TENM2: variants seen among roughly 807,000 people sequenced by gnomAD.
TENM2 encodes teneurin-2.
A neutral mutation model predicts 245.2 loss-of-function variants in TENM2; 52 were observed. The ratio of observed to expected loss-of-function variants is 0.21; its 90% CI spans 0.17 to 0.27. TENM2 has a LOEUF of 0.27. Among genes scored for constraint, TENM2 ranks in the 10% least tolerant of loss-of-function variants. TENM2 has a pLI of 1.00. For missense variants in TENM2, 3,046 were observed against 3,666.8 expected, an observed-to-expected ratio of 0.83 and a Z score of 4.37; for synonymous variants, 1,363 against 1,438.9, an observed-to-expected ratio of 0.95 and a Z score of 1.19.
chr5:167,621,272 A>G (rs1778155100), intron 2 of TENM2, among the ~76,000 whole-genome samples: 1 of 152,202 alleles, frequency 6.6e-6, no homozygotes, highest in African/African-American at 2.4e-5. Flanking sequence ...AACATAAAAC[A>G]AGATAATGTC....
intron 7 of TENM2, among the ~76,000 whole-genome samples, chr5:168,083,514 G>A (rs10042178): frequency 6.6e-5 from 10 of 152,256 alleles, no homozygotes; most frequent in South Asian, 2.1e-4. Flanking sequence ...GAAATCACCC[G>A]TCTTCTGCAA....
the TENM2 span, among the ~76,000 whole-genome samples, chr5:167,240,466 A>T: frequency 6.6e-6 from 1 of 152,102 alleles, no homozygotes; most frequent in African/African-American, 2.4e-5. Context: ...AGTTAAGTTA[A>T]AAAAAGGTTT....
At chr5:167,880,555 T>C (rs561938055) in intron 3 of TENM2, among the ~76,000 whole-genome samples, 2 of 152,282 alleles carry the variant, frequency 1.3e-5, no homozygotes, top group African/African-American at 4.8e-5. Flanking sequence ...AGCAAATCAG[T>C]CATTTCAGGG....
intron 1 of TENM2, chr5:167,287,247 T>C (rs560026180): frequency 2.2e-4 from 34 of 152,340 alleles, no homozygotes; most frequent in African/African-American, 7.9e-4. Flanking sequence ...AAGCAGTACA[T>C]TCAACTTGAA....
intron 1 of TENM2, among the ~76,000 whole-genome samples, chr5:167,285,358 A>G (rs1173368371): frequency 6.6e-6 from 1 of 152,142 alleles, no homozygotes; most frequent in African/African-American, 2.4e-5. Context: ...CAAATGGTGT[A>G]TCTTGGTTAA....
At position 167,612,433 on chromosome 5, in the gene TENM2, A is replaced by AT. The variant is rs1039174603; in HGVS notation, c.502+236967dup. Among the ~76,000 whole-genome samples the AT allele has an allele frequency of 6.1e-4, 93 of 152,076 alleles. 2 individuals are homozygous for AT. The highest frequency in any genetic ancestry group is 2.1e-3 in the African/African-American group (86 of 41,514). The stretch of plus-strand genomic sequence containing the variant: ...TCTTTACATCTAGGCATACTGCATG[A>AT]TTTTTTTAAAAAAAAGGCTCAGGAA... On this transcript the variant is annotated intron_variant, in intron 2 of 28. Coordinates refer to ENST00000518659, the Ensembl canonical transcript of TENM2.
intron 24 of TENM2, among the ~76,000 whole-genome samples, chr5:168,226,715 C>G (rs1432555328): frequency 6.6e-6 from 1 of 152,124 alleles, no homozygotes; most frequent in Non-Finnish European, 1.5e-5. Context: ...GAGTTGGTTG[C>G]CCTGGGACTG....
At chr5:167,502,431 C>T (rs893707821) in intron 2 of TENM2, among the ~76,000 whole-genome samples, 47 of 152,170 alleles carry the variant, frequency 3.1e-4, no homozygotes, top group Admixed American at 1.2e-3. Flanking sequence ...TTTTAGATTA[C>T]AGTTTTTCCA....
chr5:167,082,023 C>T, the TENM2 span, among the ~76,000 whole-genome samples: 5 of 152,118 alleles, frequency 3.3e-5, no homozygotes, highest in African/African-American at 1.2e-4. Context: ...TGCTCTTAAA[C>T]TCGACAGCTC....
the TENM2 span, among the ~76,000 whole-genome samples, chr5:167,058,691 C>G: frequency 6.6e-6 from 1 of 151,950 alleles, no homozygotes. Flanking sequence ...TTCAAGGCTT[C>G]GGTCAGCCAT....
chr5:167,899,410 T>C (rs1439204837), intron 3 of TENM2, among the ~76,000 whole-genome samples: 1 of 152,180 alleles, frequency 6.6e-6, no homozygotes, highest in African/African-American at 2.4e-5. Context: ...CATGATAGCA[T>C]AGTAATAATA....
intron 25 of TENM2, among the ~76,000 whole-genome samples, chr5:168,239,189 C>T (rs1484271967): frequency 1.3e-5 from 2 of 152,114 alleles, no homozygotes; most frequent in African/African-American, 2.4e-5. Flanking sequence ...GCCGGGGCAC[C>T]CCCCTTTATA....
chr5:168,218,309 C>T lies in TENM2; in HGVS notation c.4418C>T (p.Ala1473Val). 1 of 1,613,996 alleles carries T rather than the reference C, an allele frequency of 6.2e-7. No individual in the cohort carries two copies. Among genetic ancestry groups the T allele is most frequent in the South Asian group, 1.1e-5 (1 of 91,074 alleles). ...CTCAGCAAACTAGCCATTCACTCTG[C>T]CCTGGAGTCAGCCAGTGCCATTGCC... The change falls in exon 23 of 29, where the codon GCC (alanine) becomes GTC (valine). Residue 1473 changes from alanine to valine, a missense_variant. By Grantham distance (64) the Ala-to-Val change is moderately conservative. Coordinates refer to ENST00000518659, the Ensembl canonical transcript of TENM2. The surrounding 1 kb of genome is among the most constrained non-coding windows in gnomAD (Gnocchi z 5.2).
intron 4 of TENM2, among the ~76,000 whole-genome samples, chr5:167,966,676 T>A (rs1354616525): frequency 6.6e-6 from 1 of 152,166 alleles, no homozygotes; most frequent in African/African-American, 2.4e-5. Flanking sequence ...ATTCCAAACT[T>A]GTTCTCAGAT....
intron 2 of TENM2, among the ~76,000 whole-genome samples, chr5:167,838,932 G>A (rs1769243151): frequency 6.6e-6 from 1 of 152,184 alleles, no homozygotes; most frequent in Admixed American, 6.5e-5. Flanking sequence ...CGCAGGGCGT[G>A]GAGTCAGAAA....
intron 2 of TENM2, among the ~76,000 whole-genome samples, chr5:167,662,253 T>A (rs1438545904): frequency 6.6e-6 from 1 of 151,896 alleles, no homozygotes; most frequent in Non-Finnish European, 1.5e-5. Flanking sequence ...GTATGGGGAG[T>A]TGGGGTGGAG....
intron 1 of TENM2, among the ~76,000 whole-genome samples, chr5:167,328,204 G>GTTTTTTTTTTTTTTTTTT (rs70976412): frequency 3.3e-5 from 3 of 91,016 alleles, no homozygotes; most frequent in African/African-American, 4.8e-5. Context: ...TTCTCATATC[G>GTTTTTTTTTTTTTTTTTT]TTTTTTTTTT....
Position 168,244,376 on chromosome 5 carries a change from G to A in TENM2, c.5521-44G>A. The A allele has an allele frequency of 2.1e-6, 3 of 1,444,008 alleles. No homozygotes were observed. The highest frequency in any genetic ancestry group is 2.8e-6 in the Non-Finnish European group (3 of 1,083,186). 89.4% of individuals were successfully genotyped at this position (1,444,008 alleles called of 1,614,324 possible). A position where few individuals can be genotyped will look rare whatever the true frequency, so the allele number is the denominator to read the frequency against. ...CCTCCACAGAAGCCTGAGCCGGCAT[G>A]CCTGGGTGATGTCTTTCAAACAAGG... On this transcript the variant is annotated intron_variant, in intron 25 of 28. Coordinates refer to ENST00000518659, the Ensembl canonical transcript of TENM2. The surrounding 1 kb of genome is among the most constrained non-coding windows in gnomAD (Gnocchi z 4.9).
intron 2 of TENM2, among the ~76,000 whole-genome samples, chr5:167,662,945 G>A (rs906865005): frequency 1.3e-5 from 2 of 152,132 alleles, no homozygotes; most frequent in Non-Finnish European, 2.9e-5. Flanking sequence ...CTTAACACAA[G>A]ATGTTTTCAT....
Sources: gnomAD v4.1 joint callset for allele counts (sites outside exome capture counted in the v4.1 genomes callset) on GRCh38, gnomAD v4.1.1 for gene constraint, Gnocchi (gnomAD v3.1) non-coding constraint, MANE v1.5 for transcripts, NCBI Gene and HGNC (gene_info 2026-07-23, HGNC 2026-07-21) for gene names.